The following UGGT1 variants were observed in gnomAD, a reference collection of about 807,000 sequenced individuals.
The protein encoded by UGGT1 is UDP-glucose:glycoprotein glucosyltransferase 1.
In UGGT1, 107 loss-of-function variants were observed where a neutral mutation model predicts 203.9. That is an observed-to-expected ratio of 0.52 (90% CI 0.45 to 0.62). The LOEUF (loss-of-function observed/expected upper bound fraction) is 0.62. Ranked by LOEUF, UGGT1 falls within the 20% of genes least tolerant of loss-of-function variation. UGGT1 has a pLI of 0.00. For synonymous variants in UGGT1, 628 were observed against 653.5 expected (o/e 0.96, Z 0.59); for missense variants, 1,673 against 1,867.2 (o/e 0.90, Z 1.92).
At chr2:128,118,777 C>T (rs536502988) in intron 8 of UGGT1, among the ~76,000 whole-genome samples, 139 of 151,996 alleles carry the variant, frequency 9.1e-4, no homozygotes, top group Non-Finnish European at 1.6e-3. Context: ...AGTGCAGTGG[C>T]GCCATCATGG....
intron 29 of UGGT1, 130 bp downstream of exon 29, chr2:128,172,892 A>G: frequency 1.2e-6 from 1 of 828,456 alleles, no homozygotes; most frequent in East Asian, 2.7e-5. Context: ...CTTTATTCAC[A>G]TGGAACTCAT....
chr2:128,126,751 C>T (rs1480413917), intron 11 of UGGT1, among the ~76,000 whole-genome samples: 1 of 23,816 alleles, frequency 4.2e-5, no homozygotes, highest in East Asian at 7.7e-4. Flanking sequence ...GGTGCTATCT[C>T]GGCTCACTGC....
At chr2:128,181,208 T>C in intron 36 of UGGT1, 136 bp downstream of exon 36, 1 of 811,358 alleles carries the variant, frequency 1.2e-6, no homozygotes, top group South Asian at 1.9e-5. Flanking sequence ...ATGTATCACA[T>C]AGATGTCATC....
chr2:128,116,076 A>G (rs1688087106), intron 7 of UGGT1, among the ~76,000 whole-genome samples, 189 bp from the exon 8 acceptor site: 1 of 152,198 alleles, frequency 6.6e-6, no homozygotes. Context: ...ATTAAAATGC[A>G]TTTATCCTGT....
At chr2:128,139,526 C>T (rs1689305388) in intron 16 of UGGT1, among the ~76,000 whole-genome samples, 2 of 152,024 alleles carry the variant, frequency 1.3e-5, no homozygotes, top group African/African-American at 2.4e-5. Flanking sequence ...GCTTGGAGGC[C>T]GAATGTCACA....
rs376706673 is a variant in UGGT1, at chr2:128,097,295, G to T, written c.59-134G>T. On this transcript the variant is annotated intron_variant, in intron 1 of 40. Transcript: ENST00000259253. ...GGAGGCTGAGGCAGGAGAATCGCTTGAACCTGGGAGGCAGAGGTTGCATGA... is the reference window on the plus strand; with the variant it reads ...GGAGGCTGAGGCAGGAGAATCGCTTTAACCTGGGAGGCAGAGGTTGCATGA... 22 of 1,014,498 alleles carry T rather than the reference G, an allele frequency of 2.2e-5. No individual in the cohort carries two copies. The East Asian group carries it at 3.0e-4, about 14-fold the overall frequency. 62.8% of individuals were successfully genotyped at this position (1,014,498 alleles called of 1,614,324 possible).
chr2:128,136,229 AC>A (rs1292250806), intron 15 of UGGT1, among the ~76,000 whole-genome samples: 99 of 152,350 alleles, frequency 6.5e-4, no homozygotes, highest in African/African-American at 2.2e-3. Flanking sequence ...ATTATTATTA[AC>A]TAAACTCCAT....
At position 128,108,018 on chromosome 2, in the gene UGGT1, T is replaced by G; in HGVS notation, c.358T>G (p.Phe120Val). 6.2e-7 allele frequency: 1 copy of G among 1,614,164 alleles called. No homozygotes were observed. Reference sequence around the variant, plus strand: ...ACCCCTCCAGCAGAATTTGTTTAAATTTTGTCTGTCCCTTCGTTCTTACTC... The same window carrying G: ...ACCCCTCCAGCAGAATTTGTTTAAAGTTTGTCTGTCCCTTCGTTCTTACTC... ...LSPLQQNLFK[F>V]CLSLRSYSAT... is the part of the protein sequence containing the mutation. Residue 120 changes from phenylalanine to valine, a missense_variant, in exon 4 of 41, where the codon TTT becomes GTT. Coordinates refer to ENST00000259253, the MANE Select transcript of UGGT1 (RefSeq NM_020120.4).
rs1558824218 is a variant in UGGT1 at position 128,178,527 on chromosome 2, T to G, written c.3773T>G (p.Ile1258Ser). The change falls in exon 34 of 41, where the codon ATT (isoleucine) becomes AGT (serine). Residue 1258 changes from isoleucine (I) to serine (S), a missense_variant. This residue lies in a region of UGGT1 where 513 missense variants were observed against 684.1 expected (regional missense o/e 0.75). Transcript: ENST00000259253. ...CAAGATAAAGATGACATAATTAATA[T>G]TTTCTCCGTTGCATCTGGTCATCTC... ...VKQDKDDIIN[I>S]FSVASGHLYE... 6.2e-7 allele frequency: 1 copy of G among 1,613,674 alleles called. No homozygotes were observed.
chr2:128,160,947 A>G (rs1469606513), intron 24 of UGGT1, among the ~76,000 whole-genome samples, 191 bp from the exon 25 acceptor site: 1 of 152,250 alleles, frequency 6.6e-6, no homozygotes, highest in Admixed American at 6.5e-5. Flanking sequence ...TGATAAGTAA[A>G]TAACTACAAG....
Position 128,186,684 on chromosome 2 carries a change from A to G in UGGT1, c.4361A>G (p.Asp1454Gly). The part of the protein sequence containing the change: ...DPNSLSNLDQ[D>G]LPNNMIHQVP... Reference sequence around the variant, plus strand: ...TTTTATTTTTTTTTAACCAAACAGGATCTGCCCAATAACATGATTCATCAG... The same window carrying G: ...TTTTATTTTTTTTTAACCAAACAGGGTCTGCCCAATAACATGATTCATCAG... Residue 1454 changes from aspartate (D) to glycine (G), a missense_variant and splice_region_variant, in exon 39 of 41, where the codon GAT (aspartate) becomes GGT (glycine). Physicochemically the swap from Asp to Gly is moderately conservative, Grantham distance 94. Coordinates refer to ENST00000259253, the MANE Select transcript of UGGT1 (RefSeq NM_020120.4). 1 of 1,608,736 alleles carries G rather than the reference A, an allele frequency of 6.2e-7. No homozygotes were observed. The highest frequency in any genetic ancestry group is 8.5e-7 in the Non-Finnish European group (1 of 1,176,706).
intron 17 of UGGT1, 53 bp from the exon 18 acceptor site, chr2:128,145,750 T>C: frequency 6.8e-7 from 1 of 1,466,884 alleles, no homozygotes; most frequent in Non-Finnish European, 9.1e-7. Flanking sequence ...CTGTGTTCCA[T>C]TTGTCTCACA....
In UGGT1 at chr2:128,190,146, C is replaced by T. The variant is rs368718439; in HGVS notation, c.*404C>T. ...CTTACCTCAGTTTACCTGCGGCCTGCGCTGCACTGCAGATGCCCACCCTGC... is the reference window on the plus strand; with the variant it reads ...CTTACCTCAGTTTACCTGCGGCCTGTGCTGCACTGCAGATGCCCACCCTGC... On this transcript the variant is annotated 3_prime_UTR_variant, in exon 41 of 41. Transcript: ENST00000259253. 32 of 169,976 alleles carry T rather than the reference C, an allele frequency of 1.9e-4. No homozygotes were observed. The highest frequency in any genetic ancestry group is 1.6e-3 in the South Asian group (10 of 6,308). The allele number at this position is 169,976 out of a possible 1,614,324, so 10.5% of individuals were successfully genotyped here.
chr2:128,177,789 T>C (rs762351749), intron 32 of UGGT1, 43 bp from the exon 33 acceptor site: 2 of 1,524,702 alleles, frequency 1.3e-6, no homozygotes, highest in South Asian at 2.5e-5. Context: ...GTTTTATGCC[T>C]GTGAGACATA....
intron 25 of UGGT1, among the ~76,000 whole-genome samples, chr2:128,162,072 G>C (rs1305783755): frequency 6.6e-6 from 1 of 152,070 alleles, no homozygotes; most frequent in South Asian, 2.1e-4. Context: ...AGCCATCCTC[G>C]TGGGTATGAA....
chr2:128,131,062 A>G (rs1433113805), intron 13 of UGGT1, among the ~76,000 whole-genome samples: 2 of 149,640 alleles, frequency 1.3e-5, no homozygotes, highest in African/African-American at 4.9e-5. Context: ...GTGAAACCCC[A>G]TCTCTACTAA....
At chr2:128,174,590 C>T (rs181869515) in intron 30 of UGGT1, among the ~76,000 whole-genome samples, 183 bp from the exon 31 acceptor site, 3 of 152,210 alleles carry the variant, frequency 2.0e-5, no homozygotes, top group African/African-American at 2.4e-5. Flanking sequence ...CGTGAGCCAC[C>T]GCACCTGGTC....
intron 25 of UGGT1, among the ~76,000 whole-genome samples, chr2:128,162,276 T>C (rs1386295177): frequency 6.6e-6 from 1 of 152,096 alleles, no homozygotes; most frequent in Non-Finnish European, 1.5e-5. Context: ...GTCACTTTCT[T>C]ACTAGATACA....
intron 11 of UGGT1, among the ~76,000 whole-genome samples, chr2:128,123,634 C>T (rs1558770149): frequency 6.6e-6 from 1 of 152,228 alleles, no homozygotes; most frequent in Non-Finnish European, 1.5e-5. Flanking sequence ...CTTTCTTTCA[C>T]TGCCTCCCCC....
Sources: allele counts gnomAD v4.1 joint callset (sites outside exome capture counted in the v4.1 genomes callset), GRCh38; gene constraint gnomAD v4.1.1; regional missense constraint gnomAD v4.1.1; transcripts MANE v1.5; gene names NCBI Gene and HGNC (gene_info 2026-07-23, HGNC 2026-07-21).